Variants in GNAQ observed in about 807,000 individuals in gnomAD.
The protein encoded by GNAQ is G protein subunit alpha q.
In GNAQ, 8 loss-of-function variants were observed where a neutral mutation model predicts 43.9. The observed-to-expected ratio is 0.18, with a 90% CI of 0.11 to 0.33. GNAQ has a LOEUF of 0.33. GNAQ is among the 10% of genes least tolerant of loss of function. GNAQ has a pLI of 1.00. For missense variants in GNAQ, 158 were observed against 450.8 expected, an observed-to-expected ratio of 0.35 and a Z score of 5.88; for synonymous variants, 155 against 170.7, an observed-to-expected ratio of 0.91 and a Z score of 0.71.
chr9:77,862,793 T>G (rs536281959), intron 2 of GNAQ, among the ~76,000 whole-genome samples: 1 of 152,378 alleles, frequency 6.6e-6, no homozygotes, highest in East Asian at 1.9e-4. Context: ...ATTGTCAGAC[T>G]ATAAATTTTC....
chr9:77,756,670 C>A (rs900149242), intron 5 of GNAQ, among the ~76,000 whole-genome samples: 1 of 152,214 alleles, frequency 6.6e-6, no homozygotes, highest in Non-Finnish European at 1.5e-5. Flanking sequence ...AAATGCACAT[C>A]TGCATTCTTG....
intron 1 of GNAQ, among the ~76,000 whole-genome samples, chr9:78,025,528 C>T (rs1428801376): frequency 2.0e-5 from 3 of 152,208 alleles, no homozygotes; most frequent in Admixed American, 1.3e-4. Context: ...AAAGGCATTA[C>T]AAAAGTTTTC....
At chr9:78,006,181 T>C (rs565590013) in intron 1 of GNAQ, among the ~76,000 whole-genome samples, 1 of 152,292 alleles carries the variant, frequency 6.6e-6, no homozygotes, top group Admixed American at 6.5e-5. Flanking sequence ...GCAGGTTGGG[T>C]ATGTGAAATA....
At chr9:77,731,630 T>G (rs182292312) in intron 5 of GNAQ, among the ~76,000 whole-genome samples, 7 of 152,186 alleles carry the variant, frequency 4.6e-5, no homozygotes. Context: ...TCCAGGTGAT[T>G]TGAATGCACA....
chr9:77,777,453 T>C (rs1826320473), intron 5 of GNAQ, among the ~76,000 whole-genome samples: 1 of 151,962 alleles, frequency 6.6e-6, no homozygotes, highest in Admixed American at 6.6e-5. Context: ...TTCTTAGATA[T>C]AACACCTAAA....
At chr9:77,727,379 G>A (rs1825413660) in intron 6 of GNAQ, among the ~76,000 whole-genome samples, 1 of 152,142 alleles carries the variant, frequency 6.6e-6, no homozygotes, top group African/African-American at 2.4e-5. Context: ...GGCTACATGT[G>A]GATGCATTTT....
In GNAQ at chr9:77,752,951, G is replaced by A. The variant is rs191287906; in HGVS notation, c.736-24284C>T. 5.9e-5 allele frequency among the ~76,000 whole-genome samples: 9 copies of A among 152,082 alleles called. No homozygotes were observed. The East Asian group carries it at 1.7e-3, about 29-fold the overall frequency. Reference sequence around the variant, plus strand: ...AATACAAAAAAAGTAGCAGGGTGTGGTGGCAGGCGCCTGTAGTTCCAGCTA... The same window carrying A: ...AATACAAAAAAAGTAGCAGGGTGTGATGGCAGGCGCCTGTAGTTCCAGCTA... On this transcript the variant is annotated intron_variant, in intron 5 of 6. Coordinates refer to ENST00000286548, the MANE Select transcript of GNAQ (RefSeq NM_002072.5).
intron 2 of GNAQ, among the ~76,000 whole-genome samples, chr9:77,898,489 C>T (rs957111576): frequency 3.3e-5 from 5 of 152,216 alleles, no homozygotes; most frequent in African/African-American, 1.2e-4. Flanking sequence ...TGCTTGTAAC[C>T]CAGCTAGCAG....
At chr9:77,728,700 G>C (rs1323436286) in intron 5 of GNAQ, 33 bp from the exon 6 acceptor site, 1 of 1,445,056 alleles carries the variant, frequency 6.9e-7, no homozygotes, top group Admixed American at 2.0e-5. Context: ...AAAAAACAAG[G>C]AGTGAATTAC....
At chr9:77,787,337 T>C (rs934591532) in intron 5 of GNAQ, among the ~76,000 whole-genome samples, 12 of 152,194 alleles carry the variant, frequency 7.9e-5, no homozygotes, top group Admixed American at 6.5e-4. Flanking sequence ...GCATCAATGG[T>C]CTTGGCAAAG....
intron 1 of GNAQ, among the ~76,000 whole-genome samples, chr9:77,972,326 G>C (rs1365814159): frequency 1.3e-5 from 2 of 152,098 alleles, no homozygotes; most frequent in African/African-American, 4.8e-5. Context: ...AGGTACTAGG[G>C]ACACAACAGT....
chr9:77,828,822 A>G (rs1478169294), intron 2 of GNAQ, among the ~76,000 whole-genome samples: 1 of 152,202 alleles, frequency 6.6e-6, no homozygotes, highest in South Asian at 2.1e-4. Flanking sequence ...CCAGTCTCTT[A>G]ACCTTTATAT....
intron 1 of GNAQ, among the ~76,000 whole-genome samples, chr9:78,020,973 T>C (rs191065390): frequency 1.9e-3 from 283 of 151,984 alleles, no homozygotes; most frequent in South Asian, 9.5e-3. Flanking sequence ...AGAACTAGCA[T>C]GAGAGTCCAG....
intron 2 of GNAQ, among the ~76,000 whole-genome samples, chr9:77,882,026 T>TA (rs1490331962): frequency 6.6e-6 from 1 of 152,086 alleles, no homozygotes; most frequent in Non-Finnish European, 1.5e-5. Context: ...TAGTCCCAGT[T>TA]ACTTGAGAGG....
chr9:77,815,525 A>G, intron 3 of GNAQ, 91 bp downstream of exon 3: 2 of 808,832 alleles, frequency 2.5e-6, no homozygotes, highest in South Asian at 1.8e-5. Flanking sequence ...TATGACATAT[A>G]CAGGACAGAA....
At chr9:77,882,797 T>C (rs1355773797) in intron 2 of GNAQ, among the ~76,000 whole-genome samples, 2 of 152,188 alleles carry the variant, frequency 1.3e-5, no homozygotes, top group East Asian at 1.9e-4. Context: ...CTTGTCTGTA[T>C]TGTCTAAATT....
intron 2 of GNAQ, among the ~76,000 whole-genome samples, chr9:77,869,471 G>T (rs1828001481): frequency 6.6e-6 from 1 of 152,140 alleles, no homozygotes; most frequent in South Asian, 2.1e-4. Flanking sequence ...AGCTTATGCA[G>T]AATTTTGAAT....
chr9:78,025,077 T>C (rs1442677305), intron 1 of GNAQ, among the ~76,000 whole-genome samples: 1 of 152,158 alleles, frequency 6.6e-6, no homozygotes, highest in Non-Finnish European at 1.5e-5. Context: ...GGACATTTAT[T>C]TTTGTTTTTA....
At chr9:77,952,618 T>C (rs1822996138) in intron 1 of GNAQ, among the ~76,000 whole-genome samples, 2 of 152,232 alleles carry the variant, frequency 1.3e-5, no homozygotes. Context: ...GTTTTAGCTT[T>C]CATCAAGTTA....
Sources: allele counts gnomAD v4.1 joint callset (sites outside exome capture counted in the v4.1 genomes callset), GRCh38; gene constraint gnomAD v4.1.1; transcripts MANE v1.5; gene names NCBI Gene and HGNC (gene_info 2026-07-23, HGNC 2026-07-21).